SKAP2: variants seen among roughly 807,000 people sequenced by gnomAD.
SKAP2 encodes the protein src kinase associated phosphoprotein 2, also known as src kinase-associated phosphoprotein 2.
SKAP2 carries 28 observed loss-of-function variants against 54.9 expected under a neutral mutation model. That is an observed-to-expected ratio of 0.51 (90% CI 0.38 to 0.70). The LOEUF (loss-of-function observed/expected upper bound fraction) is 0.70, where lower values mean the gene tolerates loss of function less well. SKAP2 is among the 30% of genes least tolerant of loss of function. The probability of loss-of-function intolerance (pLI) is 0.00; values close to 1 mark genes in which losing one functional copy is unlikely to be tolerated. For missense variants in SKAP2, 356 were observed against 424.1 expected, an observed-to-expected ratio of 0.84 and a Z score of 1.41; for synonymous variants, 137 against 134.3, an observed-to-expected ratio of 1.02 and a Z score of -0.14.
At chr7:26,659,881 C>T in the SKAP2 span, among the ~76,000 whole-genome samples, 1 of 152,080 alleles carries the variant, frequency 6.6e-6, no homozygotes, top group Non-Finnish European at 1.5e-5. Flanking sequence ...CCTTTAATCA[C>T]TATAACTAGC....
intron 12 of SKAP2, 116 bp downstream of exon 12, chr7:26,669,975 C>A: frequency 2.3e-6 from 1 of 429,306 alleles, no homozygotes; most frequent in Non-Finnish European, 4.2e-6. Context: ...GATTTCGGGG[C>A]ACAATCTTTG....
intron 4 of SKAP2, among the ~76,000 whole-genome samples, chr7:26,779,581 T>C (rs928993606): frequency 4.6e-5 from 7 of 152,076 alleles, no homozygotes; most frequent in African/African-American, 1.7e-4. Context: ...CATATCATTC[T>C]ATAAAATATA....
At chr7:26,815,694 A>G (rs1784252172) in intron 4 of SKAP2, among the ~76,000 whole-genome samples, 1 of 152,118 alleles carries the variant, frequency 6.6e-6, no homozygotes, top group Non-Finnish European at 1.5e-5. Flanking sequence ...GATGGAGGAT[A>G]AATCAATTAC....
intron 4 of SKAP2, among the ~76,000 whole-genome samples, chr7:26,825,090 T>C (rs1161690465): frequency 2.0e-5 from 3 of 152,316 alleles, no homozygotes; most frequent in South Asian, 4.1e-4. Flanking sequence ...TTTATTTTTA[T>C]AGCAAGAACA....
At chr7:26,839,354 C>T (rs917990877) in intron 4 of SKAP2, among the ~76,000 whole-genome samples, 3 of 151,994 alleles carry the variant, frequency 2.0e-5, no homozygotes, top group African/African-American at 7.2e-5. Flanking sequence ...ATACACATAG[C>T]ACAATGACTA....
intron 1 of SKAP2, among the ~76,000 whole-genome samples, chr7:26,856,087 A>G (rs1785156082): frequency 6.6e-6 from 1 of 152,150 alleles, no homozygotes. Flanking sequence ...TCTTGATCCA[A>G]TGAGGAAAGC....
At chr7:26,843,076 A>G (rs1052433224) in intron 4 of SKAP2, among the ~76,000 whole-genome samples, 1 of 152,074 alleles carries the variant, frequency 6.6e-6, no homozygotes, top group Non-Finnish European at 1.5e-5. Context: ...GTTCTGCAAC[A>G]GACATAATTT....
rs181919875 is a variant in SKAP2 at position 26,850,044 on chromosome 7, C to T, written c.199+4093G>A. Among the ~76,000 whole-genome samples, 598 of 152,190 alleles carry T rather than the reference C, an allele frequency of 3.9e-3. 2 individuals are homozygous for T. Among genetic ancestry groups the T allele is most frequent in the Non-Finnish European group, 6.0e-3 (411 of 68,006 alleles). ...ATAGCCCAAATTTTTTTATCATGTA[C>T]TTAATATATACAGTATTAGAAAATT... is the stretch of plus-strand genomic sequence containing the variant. On this transcript the variant is annotated intron_variant, in intron 3 of 12. Transcript: ENST00000345317.
rs1057381339 is a variant in SKAP2 at position 26,785,312 on chromosome 7, G to C, written c.308-45348C>G. The stretch of plus-strand genomic sequence containing the variant: ...CACCATTCTCCTGCCTCAGCCTCCC[G>C]AGTAGCTGGGACTACAGGCGCCCGC... On this transcript the variant is annotated intron_variant, in intron 4 of 12. Coordinates refer to ENST00000345317, the MANE Select transcript of SKAP2 (RefSeq NM_003930.5). Among the ~76,000 whole-genome samples, 3 of 151,652 alleles carry C rather than the reference G, an allele frequency of 2.0e-5. No homozygotes were observed. In the East Asian group the frequency reaches 5.8e-4, roughly 29 times the overall value.
intron 4 of SKAP2, among the ~76,000 whole-genome samples, chr7:26,754,790 C>G (rs1224829906): frequency 6.6e-6 from 1 of 152,170 alleles, no homozygotes; most frequent in Non-Finnish European, 1.5e-5. Context: ...CTCATTTGCC[C>G]TGTAAGGCAC....
chr7:26,769,757 T>C (rs1783143631), intron 4 of SKAP2, among the ~76,000 whole-genome samples: 4 of 152,342 alleles, frequency 2.6e-5, no homozygotes, highest in African/African-American at 9.6e-5. Context: ...CTCCAGACCC[T>C]GTTTGCCTGG....
intron 4 of SKAP2, among the ~76,000 whole-genome samples, chr7:26,801,449 C>T (rs1470758840): frequency 3.3e-5 from 5 of 152,128 alleles, no homozygotes; most frequent in Non-Finnish European, 5.9e-5. Context: ...ATCTGGAACA[C>T]GACAAAGATG....
intron 4 of SKAP2, among the ~76,000 whole-genome samples, chr7:26,798,786 G>GT (rs1783841709): frequency 6.6e-6 from 1 of 152,062 alleles, no homozygotes; most frequent in Admixed American, 6.6e-5. Flanking sequence ...GCTGTAGAGT[G>GT]TTTAACAGTT....
At chr7:26,672,862 T>C (rs1350199967) in intron 11 of SKAP2, among the ~76,000 whole-genome samples, 1 of 151,944 alleles carries the variant, frequency 6.6e-6, no homozygotes, top group Non-Finnish European at 1.5e-5. Context: ...CTTCTTGGAG[T>C]ACAGTATTCT....
At chr7:26,698,520 A>T (rs1367253816) in intron 9 of SKAP2, among the ~76,000 whole-genome samples, 1 of 152,250 alleles carries the variant, frequency 6.6e-6, no homozygotes, top group African/African-American at 2.4e-5. Context: ...AGTCAGTTGC[A>T]CTAAAGAATG....
intron 4 of SKAP2, among the ~76,000 whole-genome samples, chr7:26,770,110 C>A (rs10225797): frequency 0.036 from 5,542 of 152,278 alleles, 332 homozygotes; most frequent in African/African-American, 0.13. Context: ...TATCTATAAG[C>A]CCCTGACTGA....
At chr7:26,760,029 G>C (rs1459614904) in intron 4 of SKAP2, among the ~76,000 whole-genome samples, 1 of 152,140 alleles carries the variant, frequency 6.6e-6, no homozygotes, top group Non-Finnish European at 1.5e-5. Context: ...AGTGCTCTGT[G>C]CTAAAAGAAA....
chr7:26,832,603 T>C (rs1054522482), intron 4 of SKAP2, among the ~76,000 whole-genome samples: 5 of 152,162 alleles, frequency 3.3e-5, no homozygotes, highest in Admixed American at 2.6e-4. Flanking sequence ...CACTTGAGCC[T>C]AGGAGTTCAA....
At chr7:26,838,143 A>G (rs1259176610) in intron 4 of SKAP2, among the ~76,000 whole-genome samples, 1 of 152,162 alleles carries the variant, frequency 6.6e-6, no homozygotes, top group African/African-American at 2.4e-5. Flanking sequence ...TTTAACCTAC[A>G]TTTAACTTCC....
Sources: allele counts gnomAD v4.1 joint callset (sites outside exome capture counted in the v4.1 genomes callset), GRCh38; gene constraint gnomAD v4.1.1; transcripts MANE v1.5; gene names NCBI Gene and HGNC (gene_info 2026-07-23, HGNC 2026-07-21).